The following NCKAP5L variants were observed in gnomAD, a reference collection of about 807,000 sequenced individuals.
NCKAP5L encodes NCK associated protein 5 like.
NCKAP5L carries 54 observed loss-of-function variants against 103.2 expected under a neutral mutation model. The observed-to-expected ratio is 0.52, with a 90% confidence interval of 0.42 to 0.66. NCKAP5L has a LOEUF of 0.66. NCKAP5L is among the 30% of genes least tolerant of loss of function. NCKAP5L has a pLI of 0.00. For synonymous variants in NCKAP5L, 762 were observed against 748.6 expected (o/e 1.02, Z -0.29); for missense variants, 1,733 against 1,750.6 (o/e 0.99, Z 0.18).
intron 2 of NCKAP5L, chr12:49,804,872 C>T (rs1456246500): frequency 6.6e-6 from 1 of 152,300 alleles, no homozygotes; most frequent in African/African-American, 2.4e-5. Flanking sequence ...GCCTGGCGCC[C>T]TTAGCTCTAG....
chr12:49,796,060 G>C lies in NCKAP5L; in HGVS notation c.1800C>G (p.Ser600Arg), dbSNP rs969787600. The change falls in exon 8 of 13, where the codon AGC becomes AGG. Residue 600 changes from serine to arginine, a missense_variant. Transcript: ENST00000335999. ...GGCAAGGACTGGGGGGTACTCCAGG[G>C]CTTCTGAGGACCTCAGGGGCCTGTG... ...EVPQAPEVLR[S>R]PGVPPSPCLP... 6.3e-7 allele frequency: 1 copy of C among 1,579,362 alleles called. No individual in the cohort carries two copies. The highest frequency in any genetic ancestry group is 2.2e-5 in the East Asian group (1 of 44,732).
chr12:49,814,256 G>A (rs569569363), intron 1 of NCKAP5L, among the ~76,000 whole-genome samples: 21 of 150,338 alleles, frequency 1.4e-4, no homozygotes, highest in African/African-American at 5.1e-4. Context: ...AGGCCGAAGT[G>A]GGCGGATCAC....
chr12:49,792,867 G>T lies in NCKAP5L; in HGVS notation c.3460C>A (p.Pro1154Thr). 6.5e-7 allele frequency: 1 copy of T among 1,545,958 alleles called. No homozygotes were observed. The highest frequency in any genetic ancestry group is 8.7e-7 in the Non-Finnish European group (1 of 1,151,138). ...CGAGCTGGGGGTACCCCAGGTGGGG[G>T]ATCCAGCCGCGGTGGCTTGGTCTTA... is the stretch of plus-strand genomic sequence containing the variant. ...LPKTKPPRLD[P>T]PPGVPPARPP... The change falls in exon 11 of 13, where the codon CCC becomes ACC. Residue 1154 changes from proline (P) to threonine (T), a missense_variant. By Grantham distance (38) the Pro-to-Thr change is conservative. Coordinates refer to ENST00000335999, the MANE Select transcript of NCKAP5L (RefSeq NM_001037806.4). The surrounding 1 kb of genome is among the most constrained non-coding windows in gnomAD (Gnocchi z 4.5).
chr12:49,806,997 T>C (rs1946187528), intron 1 of NCKAP5L, among the ~76,000 whole-genome samples: 1 of 152,156 alleles, frequency 6.6e-6, no homozygotes, highest in African/African-American at 2.4e-5. Context: ...TGCTACCTTG[T>C]CCGTTCACAC....
intron 1 of NCKAP5L, among the ~76,000 whole-genome samples, chr12:49,807,405 C>T (rs1257723872): frequency 6.6e-6 from 1 of 152,178 alleles, no homozygotes; most frequent in Non-Finnish European, 1.5e-5. Context: ...GTGGCACGTT[C>T]ATAGCTCACT....
At chr12:49,809,588 G>A (rs566078173) in intron 1 of NCKAP5L, among the ~76,000 whole-genome samples, 2 of 152,236 alleles carry the variant, frequency 1.3e-5, no homozygotes, top group Non-Finnish European at 2.9e-5. Context: ...GCTGCTTTCT[G>A]GAATCCCTCT....
chr12:49,795,368 C>G lies in NCKAP5L; in HGVS notation c.2492G>C (p.Gly831Ala). 6.4e-7 allele frequency: 1 copy of G among 1,554,152 alleles called. No homozygotes were observed. Among genetic ancestry groups the G allele is most frequent in the Admixed American group, 2.1e-5 (1 of 48,216 alleles). ...GGACTCCTTGGTGACTAGCGGAGCC[C>G]CAGGTCGAGGCACCACCTTGGTTGG... The part of the protein sequence containing the change: ...KSPTKVVPRP[G>A]APLVTKESPK... Residue 831 changes from glycine (G) to alanine (A), a missense_variant, in exon 8 of 13, where the codon GGG (glycine) becomes GCG (alanine). Coordinates refer to ENST00000335999, the MANE Select transcript of NCKAP5L (RefSeq NM_001037806.4).
rs1946056108 is a variant in NCKAP5L, at chr12:49,796,855, T to G, written c.1005A>C (p.Thr335=). 2 of 1,612,776 alleles carry G rather than the reference T, an allele frequency of 1.2e-6. No individual in the cohort carries two copies. Among genetic ancestry groups the G allele is most frequent in the Non-Finnish European group, 1.7e-6 (2 of 1,179,728 alleles). The change falls in exon 8 of 13, where the codon ACA becomes ACC. Residue 335 remains threonine, a synonymous_variant. Coordinates refer to ENST00000335999, the MANE Select transcript of NCKAP5L (RefSeq NM_001037806.4). ...CCAGGAAGGCCTGTAGGTAAGACTC[T>G]GTGTCCTCAAGGAGCTGGCCCAGGT... The part of the protein sequence containing the change: ...QLNLGQLLED[T]ESYLQAFLAG...
intron 6 of NCKAP5L, among the ~76,000 whole-genome samples, chr12:49,801,171 T>TAC (rs919384721): frequency 8.4e-4 from 128 of 152,156 alleles, no homozygotes; most frequent in African/African-American, 3.0e-3. Context: ...CCCTCCCCCA[T>TAC]ACACACACAC....
intron 1 of NCKAP5L, among the ~76,000 whole-genome samples, chr12:49,821,547 T>G (rs554301501): frequency 6.6e-6 from 1 of 152,232 alleles, no homozygotes; most frequent in Non-Finnish European, 1.5e-5. Flanking sequence ...CTGGCCTGAC[T>G]CCTGCTCCCA....
intron 1 of NCKAP5L, among the ~76,000 whole-genome samples, chr12:49,822,247 A>C (rs1423871108): frequency 6.6e-6 from 1 of 152,120 alleles, no homozygotes; most frequent in Non-Finnish European, 1.5e-5. Flanking sequence ...GAGCTGTGAG[A>C]AATAAATTTC....
chr12:49,811,515 C>T (rs2137026717), intron 1 of NCKAP5L, among the ~76,000 whole-genome samples: 1 of 152,186 alleles, frequency 6.6e-6, no homozygotes, highest in East Asian at 1.9e-4. Context: ...CAAAGCCAGT[C>T]CTGCTTGTCC....
At chr12:49,812,962 G>C (rs919859549) in intron 1 of NCKAP5L, among the ~76,000 whole-genome samples, 19 of 152,048 alleles carry the variant, frequency 1.2e-4, no homozygotes, top group Non-Finnish European at 7.4e-5. Flanking sequence ...TCATCTCCAG[G>C]CTTCTTATAA....
At chr12:49,793,091 C>G in intron 10 of NCKAP5L, 105 bp from the exon 11 acceptor site, 2 of 996,812 alleles carry the variant, frequency 2.0e-6, no homozygotes, top group Non-Finnish European at 2.9e-6. Context: ...CTCAGGGCCC[C>G]TCCTGGCCCA....
At chr12:49,810,337 C>A (rs968733115) in intron 1 of NCKAP5L, among the ~76,000 whole-genome samples, 5 of 152,204 alleles carry the variant, frequency 3.3e-5, no homozygotes, top group African/African-American at 1.2e-4. Context: ...CTGGAAACAG[C>A]CTTAGACCGG....
At position 49,798,367 on chromosome 12, in the gene NCKAP5L, A is replaced by G. The variant is rs1352668174; in HGVS notation, c.448T>C (p.Cys150Arg). Residue 150 changes from cysteine (C) to arginine (R), a missense_variant, in exon 7 of 13, where the codon TGT becomes CGT. Transcript: ENST00000335999. The stretch of plus-strand genomic sequence containing the variant: ...CCTCCTACCTCTCTCTGCCCAGCAC[A>G]GTGCCCCAGAGGCAGCGGGGCAGCC... ...GPAAPLPLGH[C>R]AGQREVCWEQ... is the part of the protein sequence containing the mutation. 5.1e-6 allele frequency: 8 copies of G among 1,562,082 alleles called. No individual in the cohort carries two copies. Among genetic ancestry groups the G allele is most frequent in the East Asian group, 2.4e-5 (1 of 42,058 alleles).
rs142683530 is a variant in NCKAP5L, at chr12:49,803,578, T to C, written c.123+344A>G. ...CCCTTATCCCTCAACTCCTGAGCCA[T>C]GGGCCATCCAGCCTCTTCCTCTTGT... On this transcript the variant is annotated intron_variant, in intron 3 of 12. Transcript: ENST00000335999. 4.1e-3 allele frequency among the ~76,000 whole-genome samples: 617 copies of C among 152,162 alleles called. 7 individuals carry two copies. Among genetic ancestry groups the C allele is most frequent in the African/African-American group, 0.014 (592 of 41,496 alleles).
intron 1 of NCKAP5L, among the ~76,000 whole-genome samples, chr12:49,810,736 T>C (rs1946231193): frequency 6.6e-6 from 1 of 152,216 alleles, no homozygotes; most frequent in Admixed American, 6.5e-5. Flanking sequence ...CAATGACTTA[T>C]TATTATTTGT....
chr12:49,802,311 C>T (rs372397909), intron 5 of NCKAP5L: 4 of 199,844 alleles, frequency 2.0e-5, no homozygotes, highest in Non-Finnish European at 4.1e-5. Context: ...TGCAGTGGTG[C>T]AATCTCGGCT....
Sources: allele counts gnomAD v4.1 joint callset (sites outside exome capture counted in the v4.1 genomes callset), GRCh38; gene constraint gnomAD v4.1.1; non-coding constraint Gnocchi (gnomAD v3.1); transcripts MANE v1.5; gene names NCBI Gene and HGNC (gene_info 2026-07-23, HGNC 2026-07-21).